Variants in PLA2G4E observed in about 807,000 individuals in gnomAD.
PLA2G4E encodes the protein cytosolic phospholipase A2 epsilon.
A neutral mutation model predicts 109.1 loss-of-function variants in PLA2G4E; 84 were observed. The observed-to-expected ratio is 0.77, with a 90% confidence interval of 0.65 to 0.92. PLA2G4E has a LOEUF of 0.92. Ranked by LOEUF, PLA2G4E falls within the 40% of genes least tolerant of loss-of-function variation. The pLI is 0.00. For synonymous variants in PLA2G4E, 469 were observed against 436.1 expected, an observed-to-expected ratio of 1.08 and a Z score of -0.94; for missense variants, 1,057 against 1,076.6, an observed-to-expected ratio of 0.98 and a Z score of 0.25.
intron 1 of PLA2G4E, among the ~76,000 whole-genome samples, chr15:42,048,800 A>G (rs921783247): frequency 6.6e-6 from 1 of 152,260 alleles, no homozygotes; most frequent in Non-Finnish European, 1.5e-5. Flanking sequence ...ATGACAGAGC[A>G]AGGGATTGAA....
exon 19 of PLA2G4E, chr15:41,984,595 A>G (rs368528978): frequency 4.3e-6 from 7 of 1,610,074 alleles, no homozygotes; most frequent in Non-Finnish European, 5.1e-6. Flanking sequence ...TGCACAGTGC[A>G]GTACTCACAG....
chr15:42,020,926 C>T lies in PLA2G4E; in HGVS notation c.184-7169G>A, dbSNP rs887365901. Among the ~76,000 whole-genome samples the T allele has an allele frequency of 2.0e-5, 3 of 152,048 alleles. No homozygotes were observed. The highest frequency in any genetic ancestry group is 2.9e-5 in the Non-Finnish European group (2 of 68,004). On this transcript the variant is annotated intron_variant, in intron 1 of 19. Coordinates refer to ENST00000399518, the Ensembl canonical transcript of PLA2G4E. ...CTCTGGCCCCAGCCACTGAGCACCCCTCCCTCACCTTCAAGGCACAGGTGG... is the reference window on the plus strand; with the variant it reads ...CTCTGGCCCCAGCCACTGAGCACCCTTCCCTCACCTTCAAGGCACAGGTGG...
intron 1 of PLA2G4E, among the ~76,000 whole-genome samples, chr15:42,037,586 C>T (rs1236766471): frequency 3.3e-5 from 5 of 152,230 alleles, no homozygotes; most frequent in African/African-American, 1.2e-4. Flanking sequence ...AACTTGGTAC[C>T]TGTCTAATGG....
intron 9 of PLA2G4E, 29 bp downstream of exon 9, chr15:41,999,887 CA>C: frequency 6.3e-7 from 1 of 1,579,214 alleles, no homozygotes; most frequent in Admixed American, 1.8e-5. Flanking sequence ...GGAAGTAAGT[CA>C]GGGGCCCTTC....
intron 5 of PLA2G4E, 111 bp from the exon 6 acceptor site, chr15:42,002,807 T>A: frequency 9.5e-7 from 1 of 1,058,124 alleles, no homozygotes; most frequent in Non-Finnish European, 1.4e-6. Flanking sequence ...GAGCCTTCTT[T>A]GTTCTCATAA....
exon 19 of PLA2G4E, chr15:41,984,488 G>C (rs370771272): frequency 1.2e-6 from 2 of 1,613,840 alleles, no homozygotes; most frequent in East Asian, 2.2e-5. Flanking sequence ...AGAAAGTCAC[G>C]ATGGGGGCAT....
At position 42,030,698 on chromosome 15, in the gene PLA2G4E, C is replaced by T. The variant is rs1297179782; in HGVS notation, c.184-16941G>A. Among the ~76,000 whole-genome samples the T allele has an allele frequency of 2.0e-5, 3 of 152,242 alleles. 1 individual carries two copies. The highest frequency in any genetic ancestry group is 2.0e-4 in the Admixed American group (3 of 15,286). ...CTCCATCTGTGTTGAGGTGGTCTCA[C>T]AGCCTTCTGCTTCCCCCTCAGCCCA... On this transcript the variant is annotated intron_variant, in intron 1 of 19. Transcript: ENST00000399518.
chr15:42,025,349 G>A (rs2068684614), intron 1 of PLA2G4E, among the ~76,000 whole-genome samples: 1 of 152,188 alleles, frequency 6.6e-6, no homozygotes, highest in South Asian at 2.1e-4. Flanking sequence ...CTCTCTTACA[G>A]ACTAAGAGTT....
rs1014333791 is a variant in PLA2G4E, at chr15:42,043,330, G to A, written c.183+7191C>T. 2.1e-4 allele frequency among the ~76,000 whole-genome samples: 32 copies of A among 152,122 alleles called. 1 individual carries two copies. The highest frequency in any genetic ancestry group is 1.3e-4 in the Admixed American group (2 of 15,270). On this transcript the variant is annotated intron_variant, in intron 1 of 19. Transcript: ENST00000399518. ...TAGGCAGGGAGGAGGGAACAGGGAAGGGCCAGCCTGGCCTAGTGAGGGAAA... is the reference window on the plus strand; with the variant it reads ...TAGGCAGGGAGGAGGGAACAGGGAAAGGCCAGCCTGGCCTAGTGAGGGAAA...
intron 1 of PLA2G4E, among the ~76,000 whole-genome samples, chr15:42,045,562 T>C (rs1006655402): frequency 2.0e-5 from 3 of 152,190 alleles, no homozygotes; most frequent in Non-Finnish European, 2.9e-5. Flanking sequence ...TGCTCTGTGC[T>C]CAGAAAGATA....
chr15:42,013,891 T>G (rs1037417201), intron 1 of PLA2G4E, 134 bp from the exon 2 acceptor site: 7 of 594,422 alleles, frequency 1.2e-5, no homozygotes, highest in Admixed American at 3.5e-5. Flanking sequence ...GGTTTTTTTT[T>G]TTTTTTTTTT....
intron 1 of PLA2G4E, among the ~76,000 whole-genome samples, chr15:42,039,348 T>C (rs1478565404): frequency 6.6e-6 from 1 of 152,220 alleles, no homozygotes; most frequent in Non-Finnish European, 1.5e-5. Context: ...AGTAAATAAT[T>C]GCATATTTCT....
intron 4 of PLA2G4E, among the ~76,000 whole-genome samples, chr15:42,005,320 C>T (rs565950992): frequency 3.9e-5 from 6 of 152,350 alleles, no homozygotes; most frequent in East Asian, 1.9e-4. Flanking sequence ...GGCAAGGGAG[C>T]GCTGAGATAC....
intron 1 of PLA2G4E, among the ~76,000 whole-genome samples, chr15:42,025,765 G>A (rs1345022086): frequency 6.6e-6 from 1 of 152,180 alleles, no homozygotes; most frequent in Non-Finnish European, 1.5e-5. Context: ...GAGTGGTGGT[G>A]TTTGTCTGAG....
chr15:41,988,456 A>T (rs1482261987), intron 15 of PLA2G4E, among the ~76,000 whole-genome samples: 1 of 152,202 alleles, frequency 6.6e-6, no homozygotes, highest in East Asian at 1.9e-4. Flanking sequence ...GTTTAAGTCC[A>T]GCTGCTGTCA....
chr15:42,040,331 G>A (rs192541148), intron 1 of PLA2G4E, among the ~76,000 whole-genome samples: 103 of 152,176 alleles, frequency 6.8e-4, no homozygotes, highest in Non-Finnish European at 1.2e-3. Flanking sequence ...GGAAGGACAG[G>A]TTATTTGATA....
chr15:42,010,760 C>A (rs1595568256), intron 2 of PLA2G4E, among the ~76,000 whole-genome samples: 2 of 152,258 alleles, frequency 1.3e-5, no homozygotes, highest in South Asian at 4.1e-4. Flanking sequence ...TCAAGAGAAA[C>A]AAAAACTCCT....
intron 1 of PLA2G4E, among the ~76,000 whole-genome samples, chr15:42,022,981 CT>C (rs1324419185): frequency 1.3e-5 from 2 of 152,190 alleles, no homozygotes; most frequent in African/African-American, 4.8e-5. Context: ...ATTTCAACAG[CT>C]AGTGAGCCTA....
At chr15:41,981,829 C>T (rs528032710) in exon 20 of PLA2G4E, 2 of 152,342 alleles carry the variant, frequency 1.3e-5, no homozygotes, top group Non-Finnish European at 2.9e-5. Context: ...GTTAGCATTA[C>T]CTGGATGGGG....
Sources: gnomAD v4.1 joint callset for allele counts (sites outside exome capture counted in the v4.1 genomes callset) on GRCh38, gnomAD v4.1.1 for gene constraint, MANE v1.5 for transcripts, NCBI Gene and HGNC (gene_info 2026-07-23, HGNC 2026-07-21) for gene names.